The following KLF12 variants were observed in gnomAD, a reference collection of about 807,000 sequenced individuals.
KLF12 encodes the protein Krueppel-like factor 12.
In KLF12, 9 loss-of-function variants were observed where a neutral mutation model predicts 37.8. The ratio of observed to expected loss-of-function variants is 0.24; its 90% CI spans 0.14 to 0.42. The LOEUF is 0.42. KLF12 is among the 10% of genes least tolerant of loss of function. The pLI is 1.00. For missense variants in KLF12, 411 were observed against 516.0 expected, an observed-to-expected ratio of 0.80 and a Z score of 1.97; for synonymous variants, 208 against 202.1, an observed-to-expected ratio of 1.03 and a Z score of -0.25.
chr13:74,009,338 T>C (rs888245265), intron 1 of KLF12, among the ~76,000 whole-genome samples: 4 of 152,230 alleles, frequency 2.6e-5, no homozygotes, highest in African/African-American at 2.4e-5. Flanking sequence ...AAGTACTTTA[T>C]ACACATTATG....
chr13:73,734,757 CA>C (rs1427118061), intron 6 of KLF12, among the ~76,000 whole-genome samples: 6 of 152,056 alleles, frequency 3.9e-5, no homozygotes, highest in African/African-American at 1.4e-4. Context: ...AGTTAATATA[CA>C]TTATGTCTGA....
the KLF12 span, among the ~76,000 whole-genome samples, chr13:74,170,492 A>C: frequency 2.4e-4 from 37 of 152,304 alleles, no homozygotes; most frequent in Middle Eastern, 3.4e-3. Flanking sequence ...ATTCTCCTTA[A>C]TGTAAACCAC....
chr13:74,113,709 C>T (rs1010878778), intron 1 of KLF12, among the ~76,000 whole-genome samples: 9 of 152,200 alleles, frequency 5.9e-5, no homozygotes. Flanking sequence ...CCTAACACAA[C>T]ATCCTTTCTG....
chr13:73,937,660 G>A (rs1435751841), intron 3 of KLF12, among the ~76,000 whole-genome samples: 2 of 152,202 alleles, frequency 1.3e-5, no homozygotes, highest in Non-Finnish European at 2.9e-5. Context: ...CTAAAGGGAA[G>A]AAGGGCAGAA....
At chr13:74,192,722 G>C in the KLF12 span, among the ~76,000 whole-genome samples, 10 of 152,230 alleles carry the variant, frequency 6.6e-5, no homozygotes, top group Non-Finnish European at 1.0e-4. Context: ...GGAGGCACAA[G>C]TAGAAATTAT....
At chr13:73,708,949 A>T (rs1395483781) in intron 7 of KLF12, among the ~76,000 whole-genome samples, 1 of 152,244 alleles carries the variant, frequency 6.6e-6, no homozygotes, top group Non-Finnish European at 1.5e-5. Context: ...ATAAATAATT[A>T]ACCTGCTGAC....
At chr13:73,888,499 T>C (rs1887342990) in intron 3 of KLF12, among the ~76,000 whole-genome samples, 1 of 152,232 alleles carries the variant, frequency 6.6e-6, no homozygotes. Context: ...ATTCTGCCAT[T>C]CATTGTTTCA....
the KLF12 span, among the ~76,000 whole-genome samples, chr13:74,156,838 A>G: frequency 6.6e-6 from 1 of 152,200 alleles, no homozygotes; most frequent in Non-Finnish European, 1.5e-5. Context: ...ATAGTATTCC[A>G]TCATGTATAT....
intron 1 of KLF12, among the ~76,000 whole-genome samples, chr13:74,042,199 G>A (rs1265260774): frequency 6.6e-6 from 1 of 151,726 alleles, no homozygotes; most frequent in East Asian, 1.9e-4. Context: ...AGCTACTCAG[G>A]AGGATGAGGC....
At chr13:73,752,318 T>C (rs1878818212) in intron 6 of KLF12, among the ~76,000 whole-genome samples, 1 of 152,144 alleles carries the variant, frequency 6.6e-6, no homozygotes, top group Middle Eastern at 3.2e-3. Flanking sequence ...ACTGTACATT[T>C]TTACAGCCTT....
chr13:74,010,329 C>T (rs1031145302), intron 1 of KLF12, among the ~76,000 whole-genome samples: 2 of 152,220 alleles, frequency 1.3e-5, no homozygotes, highest in African/African-American at 2.4e-5. Context: ...TCAGAAGTTA[C>T]TGGAAAGCAA....
intron 3 of KLF12, among the ~76,000 whole-genome samples, chr13:73,928,890 G>A (rs1332896494): frequency 2.6e-5 from 4 of 152,100 alleles, no homozygotes; most frequent in Non-Finnish European, 4.4e-5. Context: ...GATAATATAA[G>A]TGCCCAAGCA....
the KLF12 span, among the ~76,000 whole-genome samples, chr13:74,254,854 G>A: frequency 3.3e-5 from 5 of 152,054 alleles, no homozygotes; most frequent in African/African-American, 7.3e-5. Context: ...AATAAACCTC[G>A]CTGAAATATG....
At chr13:73,696,410 T>C (rs1874155533) in intron 7 of KLF12, among the ~76,000 whole-genome samples, 1 of 152,166 alleles carries the variant, frequency 6.6e-6, no homozygotes, top group African/African-American at 2.4e-5. Context: ...CTCAGTCAAC[T>C]TGTAAGGACA....
intron 1 of KLF12, among the ~76,000 whole-genome samples, chr13:74,088,984 T>A (rs932509172): frequency 3.9e-5 from 6 of 152,244 alleles, no homozygotes; most frequent in African/African-American, 1.4e-4. Context: ...ATAAAACGCC[T>A]GTGTAGTAAA....
At chr13:74,194,496 T>C in the KLF12 span, among the ~76,000 whole-genome samples, 3 of 152,286 alleles carry the variant, frequency 2.0e-5, no homozygotes, top group East Asian at 1.9e-4. Flanking sequence ...TGAGTCCTCA[T>C]AGGGCAGGAG....
intron 6 of KLF12, among the ~76,000 whole-genome samples, chr13:73,720,129 T>C (rs1162871236): frequency 6.6e-6 from 1 of 152,158 alleles, no homozygotes; most frequent in Non-Finnish European, 1.5e-5. Flanking sequence ...AACAGGCATT[T>C]AGATAAGCTG....
chr13:74,028,153 G>A (rs1893025651), intron 1 of KLF12, among the ~76,000 whole-genome samples: 1 of 152,142 alleles, frequency 6.6e-6, no homozygotes, highest in Non-Finnish European at 1.5e-5. Flanking sequence ...AAAGCACGTT[G>A]ATAGTCTTTG....
chr13:74,288,894 A>G, the KLF12 span, among the ~76,000 whole-genome samples: 4 of 152,210 alleles, frequency 2.6e-5, no homozygotes, highest in Non-Finnish European at 4.4e-5. Context: ...CCACTGGTCA[A>G]CAAGCTTCCT....
Sources: allele counts gnomAD v4.1 joint callset (sites outside exome capture counted in the v4.1 genomes callset), GRCh38; gene constraint gnomAD v4.1.1; transcripts MANE v1.5; gene names NCBI Gene and HGNC (gene_info 2026-07-23, HGNC 2026-07-21).